Variants in ZBTB25 observed in about 807,000 individuals in gnomAD.
The protein encoded by ZBTB25 is zinc finger and BTB domain-containing protein 25.
In ZBTB25, 20 loss-of-function variants were observed where a neutral mutation model predicts 34.2. The observed-to-expected ratio is 0.58, with a 90% CI of 0.41 to 0.85. The LOEUF (loss-of-function observed/expected upper bound fraction) is 0.85. Ranked by LOEUF, ZBTB25 falls within the 40% of genes least tolerant of loss-of-function variation. The pLI, the probability that ZBTB25 is intolerant of heterozygous loss-of-function variation, is 0.00. For synonymous variants in ZBTB25, 175 were observed against 186.4 expected, an observed-to-expected ratio of 0.94 and a Z score of 0.50; for missense variants, 437 against 521.8, an observed-to-expected ratio of 0.84 and a Z score of 1.58.
At chr14:64,470,610 A>AAG (rs373420644) in intron 2 of ZBTB25, 34,113 of 150,628 alleles carry the variant, frequency 0.23, 4,552 homozygotes, top group East Asian at 0.38. Flanking sequence ...AAAAAAAAAA[A>AAG]GAGAACCATT....
intron 2 of ZBTB25, chr14:64,469,735 A>G (rs2078648137): frequency 8.1e-7 from 1 of 1,240,260 alleles, no homozygotes. Context: ...TCTTTTATAC[A>G]TTTGTGGCAT....
chr14:64,468,657 G>A (rs746661335), intron 2 of ZBTB25: 16 of 1,613,862 alleles, frequency 9.9e-6, no homozygotes, highest in East Asian at 2.2e-5. Context: ...CTTGTAACAC[G>A]CAGGAAAAGG....
At chr14:64,461,295 A>G (rs1447461419) in intron 2 of ZBTB25, 2 of 152,232 alleles carry the variant, frequency 1.3e-5, no homozygotes, top group East Asian at 3.9e-4. Context: ...CAGAAATGAT[A>G]GCGCTGCCTT....
At position 64,485,036 on chromosome 14, in the gene ZBTB25, G is replaced by A. The variant is rs1278002825; in HGVS notation, c.*1887C>T. The A allele has an allele frequency of 2.0e-6, 2 of 985,300 alleles. No homozygotes were observed. Among genetic ancestry groups the A allele is most frequent in the East Asian group, 1.1e-4 (1 of 8,826 alleles). The allele number at this position is 985,300 out of a possible 1,614,324, so 61.0% of individuals were successfully genotyped here. A position where few individuals can be genotyped will look rare whatever the true frequency, so the allele number is the denominator to read the frequency against. On this transcript the variant is annotated 3_prime_UTR_variant, in exon 3 of 3. Transcript: ENST00000608382. ...TCAACACACATCAGTCTTAACCATA[G>A]GAGCCTTTACTCACTTGTTTAAGGC...
intron 2 of ZBTB25, 50 bp from the exon 3 acceptor site, chr14:64,488,107 G>A (rs2078944757): frequency 6.3e-7 from 1 of 1,576,978 alleles, no homozygotes; most frequent in South Asian, 1.2e-5. Context: ...AACCTAGCTG[G>A]CCTTTCAGTT....
chr14:64,494,203 A>C (rs1374487785), intron 1 of ZBTB25, among the ~76,000 whole-genome samples: 2 of 152,226 alleles, frequency 1.3e-5, no homozygotes, highest in African/African-American at 4.8e-5. Context: ...CAATGGTGCA[A>C]AACACTGAAG....
rs567580628 is a variant in ZBTB25 at position 64,454,563 on chromosome 14, G to C, written c.174-4925C>G. On this transcript the variant is annotated intron_variant, in intron 2 of 2. Coordinates refer to the ZBTB25 transcript ENST00000555220. Reference sequence around the variant, plus strand: ...CAACAGTTCTTTTTTTTTTTTTTTGGCTTAATAAATAAGCTGGAGGACAGC... The same window carrying C: ...CAACAGTTCTTTTTTTTTTTTTTTGCCTTAATAAATAAGCTGGAGGACAGC... 2.3e-3 allele frequency among the ~76,000 whole-genome samples: 326 copies of C among 144,008 alleles called. 1 individual carries two copies. The highest frequency in any genetic ancestry group is 8.1e-3 in the African/African-American group (312 of 38,648). 94.5% of individuals were successfully genotyped at this position (144,008 alleles called of 152,430 possible).
Position 64,486,777 on chromosome 14 carries a change from A to G in ZBTB25, c.*146T>C, listed in dbSNP as rs2078874463. 6.4e-6 allele frequency: 9 copies of G among 1,395,638 alleles called. No homozygotes were observed. Among genetic ancestry groups the G allele is most frequent in the Non-Finnish European group, 8.4e-6 (9 of 1,077,648 alleles). 86.5% of individuals were successfully genotyped at this position (1,395,638 alleles called of 1,614,324 possible). On this transcript the variant is annotated 3_prime_UTR_variant, in exon 3 of 3. Transcript: ENST00000608382. ...ACATATTAATATGTCTTATGAGAAG[A>G]TCTAATATATACAACCTTAAAACCA...
intron 2 of ZBTB25, chr14:64,469,810 A>G (rs1404360025): frequency 1.5e-6 from 1 of 666,670 alleles, no homozygotes; most frequent in African/African-American, 1.9e-5. Flanking sequence ...ATTCCAGCGC[A>G]GAAGTGCTAA....
At chr14:64,452,637 A>T (rs1350933285) in intron 2 of ZBTB25, among the ~76,000 whole-genome samples, 2 of 152,220 alleles carry the variant, frequency 1.3e-5, no homozygotes, top group Non-Finnish European at 2.9e-5. Context: ...CGTGTTGATC[A>T]TGTAAATCAC....
intron 2 of ZBTB25, among the ~76,000 whole-genome samples, chr14:64,451,647 A>G (rs1807507875): frequency 6.6e-6 from 1 of 152,206 alleles, no homozygotes; most frequent in Non-Finnish European, 1.5e-5. Context: ...GTCCTTGAAA[A>G]CCAGCAGGAG....
intron 2 of ZBTB25, chr14:64,449,708 A>C (rs10138064): frequency 6.7e-7 from 1 of 1,481,886 alleles, no homozygotes; most frequent in African/African-American, 1.4e-5. Context: ...TTAGAGCCCC[A>C]TGCTTCGCAG....
At chr14:64,470,238 G>A (rs1040301427) in intron 2 of ZBTB25, 2 of 167,182 alleles carry the variant, frequency 1.2e-5, no homozygotes, top group African/African-American at 4.8e-5. Context: ...AGCAGATAGT[G>A]TGCAGAATAT....
At chr14:64,473,342 T>G (rs544153498), downstream of ZBTB25, 3 of 167,194 alleles carry the variant, frequency 1.8e-5, no homozygotes, top group South Asian at 6.2e-4. Flanking sequence ...TAATTTTCCT[T>G]CAAGGTAATG....
intron 1 of ZBTB25, among the ~76,000 whole-genome samples, chr14:64,499,949 A>C (rs966161294): frequency 6.6e-6 from 1 of 152,256 alleles, no homozygotes; most frequent in Non-Finnish European, 1.5e-5. Flanking sequence ...GTTGGCAGAC[A>C]TAGCCAACCT....
At chr14:64,468,523 A>G in intron 2 of ZBTB25, 1 of 1,614,124 alleles carries the variant, frequency 6.2e-7, no homozygotes, top group East Asian at 2.2e-5. Context: ...GAAAGAAAGC[A>G]GCCAAAGCAC....
intron 1 of ZBTB25, among the ~76,000 whole-genome samples, chr14:64,491,037 C>T (rs1362754236): frequency 1.3e-5 from 2 of 152,212 alleles, no homozygotes; most frequent in Admixed American, 1.3e-4. Flanking sequence ...CCTCAGGGAT[C>T]CTCTGGTGCT....
intron 2 of ZBTB25, chr14:64,458,453 G>T: frequency 1.4e-6 from 1 of 706,346 alleles, no homozygotes; most frequent in Non-Finnish European, 2.6e-6. Flanking sequence ...AGAGGGGATA[G>T]TAATGAGAGT....
At chr14:64,457,756 G>A (rs894510590) in intron 2 of ZBTB25, among the ~76,000 whole-genome samples, 3 of 152,062 alleles carry the variant, frequency 2.0e-5, no homozygotes, top group Non-Finnish European at 2.9e-5. Context: ...ACGCCCGGCA[G>A]GGATCAGTTT....
Sources: gnomAD v4.1 joint callset for allele counts (sites outside exome capture counted in the v4.1 genomes callset) on GRCh38, gnomAD v4.1.1 for gene constraint, MANE v1.5 for transcripts, NCBI Gene and HGNC (gene_info 2026-07-23, HGNC 2026-07-21) for gene names.